The following CSMD1 variants were observed in gnomAD, a reference collection of about 807,000 sequenced individuals.
CSMD1 encodes CUB and Sushi multiple domains 1.
Under a neutral mutation model 417.5 loss-of-function variants are expected in CSMD1, and 213 were observed. That is an observed-to-expected ratio of 0.51 (90% CI 0.46 to 0.57). The LOEUF (loss-of-function observed/expected upper bound fraction) is 0.57, where lower values mean the gene tolerates loss of function less well. Ranked by LOEUF, CSMD1 falls within the 20% of genes least tolerant of loss-of-function variation. The pLI, the probability that CSMD1 is intolerant of heterozygous loss-of-function variation, is 0.00. For missense variants in CSMD1, 6,923 were observed against 4,529.7 expected (o/e 1.53, Z -15.17); for synonymous variants, 2,862 against 1,736.8 (o/e 1.65, Z -16.11).
In CSMD1 at chr8:3,616,698, T is replaced by G. The variant is rs769190351; in HGVS notation, c.1097+12A>C. ...ATAACATGCTTTTTTCCACCACTAT[T>G]GTATCTCTTACCTGAAGTCGGAACC... On this transcript the variant is annotated intron_variant, in intron 8 of 69. Coordinates refer to ENST00000635120, the MANE Select transcript of CSMD1 (RefSeq NM_033225.6). 1.9e-6 allele frequency: 3 copies of G among 1,545,684 alleles called. No homozygotes were observed. The highest frequency in any genetic ancestry group is 1.8e-6 in the Non-Finnish European group (2 of 1,118,910).
intron 1 of CSMD1, among the ~76,000 whole-genome samples, chr8:4,677,678 G>T (rs778571201): frequency 6.6e-6 from 1 of 152,068 alleles, no homozygotes; most frequent in Non-Finnish European, 1.5e-5. Context: ...TGAATTTCAT[G>T]AGTTCTACTT....
chr8:3,744,326 T>G (rs1284424582), intron 6 of CSMD1, among the ~76,000 whole-genome samples: 1 of 152,084 alleles, frequency 6.6e-6, no homozygotes. Context: ...CTACTCTGCC[T>G]GTGATACCCT....
At chr8:4,187,122 C>A (rs1159926154) in intron 3 of CSMD1, among the ~76,000 whole-genome samples, 1 of 149,448 alleles carries the variant, frequency 6.7e-6, no homozygotes, top group African/African-American at 2.5e-5. Context: ...TTCACCAAGT[C>A]TCCACTCTGT....
At chr8:3,599,125 C>CTGTGTGTGTGTG (rs143211609) in intron 8 of CSMD1, among the ~76,000 whole-genome samples, 21 of 144,498 alleles carry the variant, frequency 1.5e-4, no homozygotes, top group African/African-American at 4.7e-4. Context: ...TTGCTTACTG[C>CTGTGTGTGTGTG]TGTGTGTGTG....
At chr8:3,503,262 T>C (rs1796682992) in intron 10 of CSMD1, among the ~76,000 whole-genome samples, 1 of 152,206 alleles carries the variant, frequency 6.6e-6, no homozygotes, top group South Asian at 2.1e-4. Flanking sequence ...TTATCTGAGA[T>C]GTTTAGCCCC....
chr8:3,875,096 T>A (rs2975355), intron 5 of CSMD1, among the ~76,000 whole-genome samples: 5,605 of 151,302 alleles, frequency 0.037, 359 homozygotes, highest in African/African-American at 0.13. Flanking sequence ...GGGGACCAGA[T>A]CCTAGAGGGG....
chr8:4,502,936 GTCTC>G (rs567639443), intron 2 of CSMD1, among the ~76,000 whole-genome samples: 28 of 152,168 alleles, frequency 1.8e-4, no homozygotes, highest in African/African-American at 6.5e-4. Flanking sequence ...TGTCTGTTTG[GTCTC>G]TCTGTCTCTA....
chr8:3,496,718 C>T (rs982881109), intron 10 of CSMD1, among the ~76,000 whole-genome samples: 17 of 151,954 alleles, frequency 1.1e-4, no homozygotes, highest in African/African-American at 3.4e-4. Context: ...CCCAGCTACT[C>T]GGGAAGCTGA....
At chr8:3,713,497 T>TA (rs1325535927) in intron 6 of CSMD1, among the ~76,000 whole-genome samples, 5 of 152,116 alleles carry the variant, frequency 3.3e-5, no homozygotes. Flanking sequence ...TCCCTCCCTG[T>TA]AATCCCTCTG....
intron 5 of CSMD1, among the ~76,000 whole-genome samples, chr8:3,781,100 T>C (rs901556250): frequency 6.6e-6 from 1 of 152,124 alleles, no homozygotes; most frequent in African/African-American, 2.4e-5. Flanking sequence ...CTGCAAACTG[T>C]TTCAAGAAGC....
intron 5 of CSMD1, among the ~76,000 whole-genome samples, chr8:3,874,370 T>C (rs557339988): frequency 9.3e-4 from 142 of 152,356 alleles, no homozygotes; most frequent in African/African-American, 3.3e-3. Flanking sequence ...TTTAGAACTC[T>C]TTAAAGACGT....
intron 1 of CSMD1, among the ~76,000 whole-genome samples, chr8:4,991,977 C>A (rs535915954): frequency 1.3e-5 from 2 of 152,176 alleles, no homozygotes; most frequent in Non-Finnish European, 2.9e-5. Flanking sequence ...GCGTCCTGGA[C>A]CCCCTCCGCG....
intron 6 of CSMD1, 82 bp from the exon 7 acceptor site, chr8:3,708,573 C>G (rs552249861): frequency 1.7e-6 from 2 of 1,176,620 alleles, no homozygotes; most frequent in South Asian, 1.2e-5. Context: ...CACTTCCAGT[C>G]ATAACTGCTT....
intron 7 of CSMD1, among the ~76,000 whole-genome samples, chr8:3,702,550 G>A (rs35110004): frequency 0.13 from 20,407 of 152,270 alleles, 1,721 homozygotes; most frequent in East Asian, 0.23. Context: ...TAGAGTGCTG[G>A]CCAGGTGCGG....
At chr8:3,860,595 T>C (rs539031222) in intron 5 of CSMD1, among the ~76,000 whole-genome samples, 1 of 152,144 alleles carries the variant, frequency 6.6e-6, no homozygotes, top group African/African-American at 2.4e-5. Context: ...ATATTACACA[T>C]CATATATGAA....
At chr8:3,904,341 G>A (rs1328956946) in intron 5 of CSMD1, among the ~76,000 whole-genome samples, 1 of 152,074 alleles carries the variant, frequency 6.6e-6, no homozygotes, top group Non-Finnish European at 1.5e-5. Context: ...CCTACAAATA[G>A]AAAATATGTG....
intron 33 of CSMD1, among the ~76,000 whole-genome samples, chr8:3,195,785 G>A (rs11136588): frequency 0.66 from 100,080 of 151,920 alleles, 34,238 homozygotes; most frequent in Non-Finnish European, 0.76. Flanking sequence ...AAATGTACAA[G>A]GCTGAACATA....
In CSMD1 at chr8:3,411,337, T is replaced by G. The variant is rs186692020; in HGVS notation, c.1562-1732A>C. ...AGAGCAAATTCTTTGTGGGGTATTT[T>G]TTAGTAACCTAACTACTTCCTTTCC... On this transcript the variant is annotated intron_variant, in intron 12 of 69. Transcript: ENST00000635120. Among the ~76,000 whole-genome samples the G allele has an allele frequency of 3.4e-4, 52 of 151,454 alleles. No homozygotes were observed. The East Asian group carries it at 9.5e-3, about 28-fold the overall frequency.
At chr8:4,396,953 C>T (rs4260910) in intron 3 of CSMD1, among the ~76,000 whole-genome samples, 29,291 of 151,870 alleles carry the variant, frequency 0.19, 3,509 homozygotes, top group East Asian at 0.35. Flanking sequence ...GTGATGAGTG[C>T]ACCAAAGTCT....
Sources: gnomAD v4.1 joint callset for allele counts (sites outside exome capture counted in the v4.1 genomes callset) on GRCh38, gnomAD v4.1.1 for gene constraint, MANE v1.5 for transcripts, NCBI Gene and HGNC (gene_info 2026-07-23, HGNC 2026-07-21) for gene names.